Variants in PCDHGB6 observed in about 807,000 individuals in gnomAD.
PCDHGB6 encodes protocadherin gamma subfamily B, 6.
Under a neutral mutation model 59.1 loss-of-function variants are expected in PCDHGB6, and 51 were observed. That is an observed-to-expected ratio of 0.86 (90% CI 0.69 to 1.09). The LOEUF is 1.09. Among genes scored for constraint, PCDHGB6 ranks in the 50% least tolerant of loss-of-function variants. PCDHGB6 has a pLI of 0.00. For synonymous variants in PCDHGB6, 466 were observed against 495.1 expected (o/e 0.94, Z 0.78); for missense variants, 1,148 against 1,205.1 (o/e 0.95, Z 0.70).
In PCDHGB6 at chr5:141,410,318, G is replaced by C; in HGVS notation, c.2116G>C (p.Ala706Pro). Residue 706 changes from alanine (A) to proline (P), a missense_variant, in exon 1 of 4, where the codon GCC (alanine) becomes CCC (proline). Ala to Pro is a conservative substitution (Grantham distance 27, BLOSUM62 -1). Coordinates refer to ENST00000520790, the MANE Select transcript of PCDHGB6 (RefSeq NM_018926.3). The part of the protein sequence containing the change: ...LALISVLFLL[A>P]VILAIALRLR... ...CTTAATCTCAGTGCTCTTCCTCCTC[G>C]CCGTGATTCTGGCCATTGCCTTGCG... The C allele has an allele frequency of 3.7e-6, 6 of 1,613,982 alleles. No homozygotes were observed. The highest frequency in any genetic ancestry group is 5.1e-6 in the Non-Finnish European group (6 of 1,179,896).
At chr5:141,418,000 G>A (rs758811293) in intron 1 of PCDHGB6, 6 of 1,613,902 alleles carry the variant, frequency 3.7e-6, no homozygotes, top group Admixed American at 1.7e-5. Context: ...GCTCGGTGGT[G>A]GGGAACCTCG....
chr5:141,493,784 T>A lies in PCDHGB6; in HGVS notation c.2419-1023T>A, dbSNP rs1368708028. ...AGCCACTGGCAGTTCCGGAGCTTCC[T>A]TCTCCCTGGAGTAATCTGAGATACT... On this transcript the variant is annotated intron_variant, in intron 1 of 3. Coordinates refer to ENST00000520790, the MANE Select transcript of PCDHGB6 (RefSeq NM_018926.3). This position sits in a 1 kb window ranked among gnomAD's most constrained non-coding sequence, Gnocchi z 4.3. 1.3e-5 allele frequency among the ~76,000 whole-genome samples: 2 copies of A among 152,194 alleles called. No individual in the cohort carries two copies. Among genetic ancestry groups the A allele is most frequent in the Non-Finnish European group, 2.9e-5 (2 of 68,032 alleles).
At position 141,409,204 on chromosome 5, in the gene PCDHGB6, C is replaced by A; in HGVS notation, c.1002C>A (p.Ile334=). ...GGGLSTQCKV[I]IEILDENDNS... ...GTCTCTCTACCCAGTGTAAAGTAATCATAGAAATCCTTGATGAAAACGACA... is the reference window on the plus strand; with the variant it reads ...GTCTCTCTACCCAGTGTAAAGTAATAATAGAAATCCTTGATGAAAACGACA... Residue 334 remains isoleucine, a synonymous_variant, in exon 1 of 4, where the codon ATC becomes ATA. Transcript: ENST00000520790. The A allele has an allele frequency of 6.2e-7, 1 of 1,613,942 alleles. No homozygotes were observed. The highest frequency in any genetic ancestry group is 1.1e-5 in the South Asian group (1 of 91,076).
At chr5:141,421,144 G>A (rs1241874764) in intron 1 of PCDHGB6, 1 of 999,180 alleles carries the variant, frequency 1.0e-6, no homozygotes, top group African/African-American at 1.6e-5. Flanking sequence ...TTTGGATGTA[G>A]TCGGCCTAGG....
chr5:141,474,654 T>C (rs2099352669), intron 1 of PCDHGB6, among the ~76,000 whole-genome samples: 1 of 152,250 alleles, frequency 6.6e-6, no homozygotes, highest in African/African-American at 2.4e-5. Context: ...CTTACTTCTT[T>C]TCTACCTACC....
At chr5:141,423,785 A>G (rs531378008) in intron 1 of PCDHGB6, 48 of 1,269,536 alleles carry the variant, frequency 3.8e-5, no homozygotes, top group Non-Finnish European at 4.4e-5. Context: ...TTTAGTTCAT[A>G]TATATTTAGA....
At chr5:141,421,156 C>T in intron 1 of PCDHGB6, 1 of 1,197,694 alleles carries the variant, frequency 8.3e-7, no homozygotes, top group Non-Finnish European at 1.1e-6. Flanking sequence ...CGGCCTAGGA[C>T]TTCATAGATA....
rs561451935 is a variant in PCDHGB6 at position 141,423,179 on chromosome 5, G to A, written c.2418+12559G>A. 21 of 1,613,516 alleles carry A rather than the reference G, an allele frequency of 1.3e-5. No individual in the cohort carries two copies. The South Asian group carries it at 2.1e-4, about 16-fold the overall frequency. ...CTCGTGGTGGCCGTCCAGGACCACG[G>A]CCAGCCCCCTCTCTCGGCCACCGTC... On this transcript the variant is annotated intron_variant, in intron 1 of 3. Transcript: ENST00000520790.
At chr5:141,413,331 C>T (rs1300057166) in intron 1 of PCDHGB6, 1 of 1,613,992 alleles carries the variant, frequency 6.2e-7, no homozygotes, top group Admixed American at 1.7e-5. Context: ...TGGGCAACAT[C>T]TCCAAGGACT....
At chr5:141,430,484 C>T (rs894612928) in intron 1 of PCDHGB6, 2 of 256,238 alleles carry the variant, frequency 7.8e-6, no homozygotes, top group African/African-American at 4.4e-5. Context: ...GATATAAAAA[C>T]GAAATATCCT....
At position 141,493,482 on chromosome 5, in the gene PCDHGB6, G is replaced by A. The variant is rs184736387; in HGVS notation, c.2419-1325G>A. ...TTTTAGGACCTTACATGTGGGGAAA[G>A]TCTTCTGTGGCTCCTCATTTCTGAG... On this transcript the variant is annotated intron_variant, in intron 1 of 3. Coordinates refer to ENST00000520790, the MANE Select transcript of PCDHGB6 (RefSeq NM_018926.3). This position sits in a 1 kb window ranked among gnomAD's most constrained non-coding sequence, Gnocchi z 4.3. Among the ~76,000 whole-genome samples the A allele has an allele frequency of 1.5e-3, 229 of 152,324 alleles. No homozygotes were observed. Among genetic ancestry groups the A allele is most frequent in the Non-Finnish European group, 2.2e-3 (147 of 68,030 alleles).
chr5:141,490,981 C>T lies in PCDHGB6; in HGVS notation c.2419-3826C>T. 19 of 1,614,096 alleles carry T rather than the reference C, an allele frequency of 1.2e-5. No homozygotes were observed. The highest frequency in any genetic ancestry group is 1.5e-5 in the Non-Finnish European group (18 of 1,180,018). Reference sequence around the variant, plus strand: ...ACACTCAGCCCCCCAGCGTCTCCCTCGCTCTGCTCCTCCTGGCTCCTTGGT... The same window carrying T: ...ACACTCAGCCCCCCAGCGTCTCCCTTGCTCTGCTCCTCCTGGCTCCTTGGT... On this transcript the variant is annotated intron_variant, in intron 1 of 3. Transcript: ENST00000520790. The surrounding 1 kb of genome is among the most constrained non-coding windows in gnomAD (Gnocchi z 5.4).
chr5:141,419,936 G>T, intron 1 of PCDHGB6: 2 of 1,614,074 alleles, frequency 1.2e-6, no homozygotes, highest in Non-Finnish European at 1.7e-6. Context: ...GTTTTACCTG[G>T]TGGTGGCCTT....
intron 1 of PCDHGB6, chr5:141,414,843 G>A: frequency 3.7e-6 from 6 of 1,614,218 alleles, no homozygotes; most frequent in Non-Finnish European, 5.1e-6. Context: ...GCCTGTTTGT[G>A]CTGGACCAGA....
chr5:141,505,418 A>T lies in PCDHGB6; in HGVS notation c.2503A>T (p.Thr835Ser). 1 of 1,614,186 alleles carries T rather than the reference A, an allele frequency of 6.2e-7. No homozygotes were observed. Among genetic ancestry groups the T allele is most frequent in the East Asian group, 2.2e-5 (1 of 44,876 alleles). The change falls in exon 3 of 4, where the codon ACC becomes TCC. Residue 835 changes from threonine to serine, a missense_variant. By Grantham distance (58) the Thr-to-Ser change is moderately conservative. This residue lies in a region of PCDHGB6 where 283 missense variants were observed against 318.6 expected (regional missense o/e 0.89). Coordinates refer to ENST00000520790, the MANE Select transcript of PCDHGB6 (RefSeq NM_018926.3). ...SGSQNGDDTG[T>S]WPNNQFDTEM... ...CTCCCAAAATGGCGATGACACCGGC[A>T]CCTGGCCCAACAACCAGTTTGACAC...
rs749121255 is a variant in PCDHGB6 at position 141,415,427 on chromosome 5, G to A, written c.2418+4807G>A. 3.1e-6 allele frequency: 5 copies of A among 1,614,050 alleles called. No homozygotes were observed. Among genetic ancestry groups the A allele is most frequent in the African/African-American group, 1.3e-5 (1 of 74,926 alleles). ...CACTTTGTGGGCGTGGACGGGGTTC[G>A]GGCTTTCCTGCAGACCTATTCCCAC... is the stretch of plus-strand genomic sequence containing the variant. On this transcript the variant is annotated intron_variant, in intron 1 of 3. Transcript: ENST00000520790.
Position 141,476,241 on chromosome 5 carries a change from A to G in PCDHGB6, c.2419-18566A>G, listed in dbSNP as rs375405507. ...CACTATGAGATCCCGGAGGAAAGAG[A>G]GAAGGGTTTCGCTGTGGGCAACGTG... On this transcript the variant is annotated intron_variant, in intron 1 of 3. Transcript: ENST00000520790. The surrounding 1 kb of genome is among the most constrained non-coding windows in gnomAD (Gnocchi z 7.6). 3.7e-6 allele frequency: 6 copies of G among 1,613,626 alleles called. No homozygotes were observed. The highest frequency in any genetic ancestry group is 2.2e-5 in the East Asian group (1 of 44,834).
chr5:141,410,602 T>A lies in PCDHGB6; in HGVS notation c.2400T>A (p.His800Gln). Residue 800 changes from histidine (H) to glutamine (Q), a missense_variant, in exon 1 of 4, where the codon CAT (histidine) becomes CAA (glutamine). Physicochemically the swap from His to Gln is conservative, Grantham distance 24. Transcript: ENST00000520790. ...PPHGGEDLTS[H>Q]PETLTSQAPP... ...ATGGTGGGGAGGATTTGACTTCACA[T>A]CCTGAGACTCTGACTTCGGTGAGTT... 2.5e-6 allele frequency: 4 copies of A among 1,607,792 alleles called. No homozygotes were observed. Among genetic ancestry groups the A allele is most frequent in the South Asian group, 2.2e-5 (2 of 91,042 alleles).
In PCDHGB6 at chr5:141,486,341, C is replaced by T; in HGVS notation, c.2419-8466C>T. On this transcript the variant is annotated intron_variant, in intron 1 of 3. Coordinates refer to ENST00000520790, the MANE Select transcript of PCDHGB6 (RefSeq NM_018926.3). The surrounding 1 kb of genome is among the most constrained non-coding windows in gnomAD (Gnocchi z 5.0). ...AAACGGAGATGTGAGCCTCCGCATTCCTGACCACTTGCCATTTGCCCTCAA... is the reference window on the plus strand; with the variant it reads ...AAACGGAGATGTGAGCCTCCGCATTTCTGACCACTTGCCATTTGCCCTCAA... The T allele has an allele frequency of 6.2e-7, 1 of 1,614,128 alleles. No individual in the cohort carries two copies. Among genetic ancestry groups the T allele is most frequent in the Non-Finnish European group, 8.5e-7 (1 of 1,179,992 alleles).
Sources: gnomAD v4.1 joint callset for allele counts (sites outside exome capture counted in the v4.1 genomes callset) on GRCh38, gnomAD v4.1.1 for gene constraint, gnomAD v4.1.1 regional missense constraint, Gnocchi (gnomAD v3.1) non-coding constraint, MANE v1.5 for transcripts, NCBI Gene and HGNC (gene_info 2026-07-23, HGNC 2026-07-21) for gene names.